MCC: variants seen among roughly 807,000 people sequenced by gnomAD.
MCC encodes MCC regulator of Wnt signaling pathway, also known as colorectal mutant cancer protein.
Under a neutral mutation model 116.2 loss-of-function variants are expected in MCC, and 90 were observed. That is an observed-to-expected ratio of 0.77 (90% CI 0.65 to 0.92). The LOEUF is 0.92. Among genes scored for constraint, MCC ranks in the 40% least tolerant of loss-of-function variants. MCC has a pLI of 0.00. For missense variants in MCC, 1,516 were observed against 1,312.2 expected (o/e 1.16, Z -2.40); for synonymous variants, 578 against 510.5 (o/e 1.13, Z -1.78).
chr5:113,226,099 C>T (rs1297967096), intron 3 of MCC, among the ~76,000 whole-genome samples: 1 of 152,240 alleles, frequency 6.6e-6, no homozygotes, highest in Admixed American at 6.5e-5. Flanking sequence ...TTGCTTGAAC[C>T]CGCAAGGCGA....
chr5:113,409,469 A>G (rs1317575872), intron 1 of MCC, among the ~76,000 whole-genome samples: 1 of 151,828 alleles, frequency 6.6e-6, no homozygotes, highest in South Asian at 2.1e-4. Flanking sequence ...CTCCTGCCTT[A>G]GCCTCCCAAT....
chr5:113,352,861 C>A (rs1768311372), intron 2 of MCC, among the ~76,000 whole-genome samples: 1 of 152,280 alleles, frequency 6.6e-6, no homozygotes, highest in East Asian at 1.9e-4. Context: ...CATCAGGTTA[C>A]AACCCTCAAC....
chr5:113,137,776 A>G (rs1758926408), intron 5 of MCC, among the ~76,000 whole-genome samples: 1 of 152,146 alleles, frequency 6.6e-6, no homozygotes, highest in Non-Finnish European at 1.5e-5. Context: ...CTCTCAATCC[A>G]CAAAACACAG....
intron 11 of MCC, among the ~76,000 whole-genome samples, chr5:113,076,707 G>T (rs1754480161): frequency 6.6e-6 from 1 of 152,172 alleles, no homozygotes; most frequent in Non-Finnish European, 1.5e-5. Flanking sequence ...ACAAAAACAT[G>T]CCAAATTGTA....
intron 3 of MCC, among the ~76,000 whole-genome samples, chr5:113,270,229 G>C (rs1490057928): frequency 6.6e-6 from 1 of 152,156 alleles, no homozygotes; most frequent in Non-Finnish European, 1.5e-5. Flanking sequence ...TAGGTGGTTA[G>C]GAATGTAATA....
intron 4 of MCC, among the ~76,000 whole-genome samples, chr5:113,150,752 A>G (rs1488633321): frequency 6.6e-6 from 1 of 152,222 alleles, no homozygotes; most frequent in African/African-American, 2.4e-5. Flanking sequence ...GCAAAGGAAG[A>G]AAATTAATAT....
chr5:113,296,719 A>G (rs1162023651), intron 3 of MCC, among the ~76,000 whole-genome samples: 1 of 152,198 alleles, frequency 6.6e-6, no homozygotes, highest in Non-Finnish European at 1.5e-5. Context: ...AGAGCCACTA[A>G]AGGTTTTTTA....
At chr5:113,232,949 G>A (rs1455193898) in intron 3 of MCC, among the ~76,000 whole-genome samples, 1 of 152,134 alleles carries the variant, frequency 6.6e-6, no homozygotes, top group African/African-American at 2.4e-5. Flanking sequence ...AACCAGGATT[G>A]GAGAAGTCTG....
At chr5:113,138,527 G>C (rs1293933829) in intron 5 of MCC, among the ~76,000 whole-genome samples, 1 of 152,154 alleles carries the variant, frequency 6.6e-6, no homozygotes, top group African/African-American at 2.4e-5. Context: ...CTGCAAGCCA[G>C]GAACAGAGCC....
chr5:113,263,512 T>C (rs542506193), intron 3 of MCC, among the ~76,000 whole-genome samples: 2 of 152,310 alleles, frequency 1.3e-5, no homozygotes, highest in South Asian at 2.1e-4. Context: ...CATTAAAACA[T>C]GGCTCTTTCA....
At chr5:113,236,249 G>A (rs947435014) in intron 3 of MCC, among the ~76,000 whole-genome samples, 11 of 152,176 alleles carry the variant, frequency 7.2e-5, no homozygotes, top group Admixed American at 2.6e-4. Flanking sequence ...CAATATGCCT[G>A]AGCCTAGGTT....
At chr5:113,053,058 A>T (rs1434448817) in intron 15 of MCC, among the ~76,000 whole-genome samples, 1 of 152,332 alleles carries the variant, frequency 6.6e-6, no homozygotes, top group South Asian at 2.1e-4. Flanking sequence ...TCCACACCAG[A>T]AACAGGCAAA....
chr5:113,434,899 C>G lies in MCC; in HGVS notation c.171-49687G>C. The G allele has an allele frequency of 6.5e-7, 1 of 1,541,114 alleles. No homozygotes were observed. Among genetic ancestry groups the G allele is most frequent in the South Asian group, 1.3e-5 (1 of 79,740 alleles). On this transcript the variant is annotated intron_variant, in intron 1 of 18. Transcript: ENST00000408903. The surrounding 1 kb of genome is among the most constrained non-coding windows in gnomAD (Gnocchi z 4.2). Reference sequence around the variant, plus strand: ...CTCTACAGCCCCGAGGCGCATGGGCCAGCAGTGTGCTCATTTACATCCTGG... The same window carrying G: ...CTCTACAGCCCCGAGGCGCATGGGCGAGCAGTGTGCTCATTTACATCCTGG...
chr5:113,307,601 ACTT>A (rs951725141), intron 3 of MCC, among the ~76,000 whole-genome samples: 2 of 151,940 alleles, frequency 1.3e-5, no homozygotes, highest in Non-Finnish European at 2.9e-5. Context: ...AGATTTTTTT[ACTT>A]CTTCTTTTAC....
chr5:113,276,868 G>A (rs1765846611), intron 3 of MCC, among the ~76,000 whole-genome samples: 1 of 150,264 alleles, frequency 6.7e-6, no homozygotes, highest in South Asian at 2.1e-4. Flanking sequence ...ACACTCCTAG[G>A]CTCAAGTGAT....
chr5:113,051,837 C>T (rs560387607), intron 15 of MCC, among the ~76,000 whole-genome samples: 55 of 152,272 alleles, frequency 3.6e-4, no homozygotes, highest in Middle Eastern at 6.8e-3. Flanking sequence ...TTGAATTTCT[C>T]AGCAGTTGGA....
At chr5:113,088,653 G>C (rs1755373220) in intron 8 of MCC, among the ~76,000 whole-genome samples, 1 of 152,010 alleles carries the variant, frequency 6.6e-6, no homozygotes, top group African/African-American at 2.4e-5. Flanking sequence ...TTGGACACAA[G>C]TCAAAGAGCA....
chr5:113,236,816 C>T (rs534904958), intron 3 of MCC, among the ~76,000 whole-genome samples: 3 of 152,180 alleles, frequency 2.0e-5, no homozygotes, highest in East Asian at 3.9e-4. Flanking sequence ...TTCAGGGGGA[C>T]GGGGGACAGG....
intron 15 of MCC, among the ~76,000 whole-genome samples, chr5:113,049,969 T>C (rs1752377874): frequency 6.6e-6 from 1 of 152,176 alleles, no homozygotes. Context: ...GAGTGGAGAA[T>C]ACGAAGTGAA....
Sources: allele counts gnomAD v4.1 joint callset (sites outside exome capture counted in the v4.1 genomes callset), GRCh38; gene constraint gnomAD v4.1.1; non-coding constraint Gnocchi (gnomAD v3.1); transcripts MANE v1.5; gene names NCBI Gene and HGNC (gene_info 2026-07-23, HGNC 2026-07-21).